The following CCDC102B variants were observed in gnomAD, a reference collection of about 807,000 sequenced individuals.
The protein encoded by CCDC102B is coiled-coil domain containing 102B.
Under a neutral mutation model 57.4 loss-of-function variants are expected in CCDC102B, and 75 were observed. That is an observed-to-expected ratio of 1.31 (90% CI 1.08 to 1.58). The LOEUF (loss-of-function observed/expected upper bound fraction) is 1.58. Among genes scored for constraint, CCDC102B ranks in the 40% most tolerant of loss-of-function variants. The pLI is 0.00. For synonymous variants in CCDC102B, 206 were observed against 201.9 expected, an observed-to-expected ratio of 1.02 and a Z score of -0.17; for missense variants, 636 against 582.6, an observed-to-expected ratio of 1.09 and a Z score of -0.94.
At chr18:69,044,653 C>T (rs555509647) in intron 7 of CCDC102B, among the ~76,000 whole-genome samples, 1 of 152,108 alleles carries the variant, frequency 6.6e-6, no homozygotes, top group East Asian at 1.9e-4. Context: ...GATAGTTTAA[C>T]ATTATTATTT....
chr18:69,023,424 G>C (rs903404691), intron 7 of CCDC102B, among the ~76,000 whole-genome samples: 1 of 152,016 alleles, frequency 6.6e-6, no homozygotes, highest in African/African-American at 2.4e-5. Flanking sequence ...TTAATATACA[G>C]TGTTTAGTAA....
In CCDC102B at chr18:69,006,585, C is replaced by CT. The variant is rs200615759; in HGVS notation, c.1264-4321dup. On this transcript the variant is annotated intron_variant, in intron 6 of 7. Coordinates refer to ENST00000360242, the MANE Select transcript of CCDC102B (RefSeq NM_024781.3). The stretch of plus-strand genomic sequence containing the variant: ...TACAGGCACATGCCACCACACAGGG[C>CT]TTTTTTTTTTTTTTTTTTTTTTTTT... Among the ~76,000 whole-genome samples the CT allele has an allele frequency of 2.8e-4, 38 of 134,248 alleles. 1 individual carries two copies. The highest frequency in any genetic ancestry group is 8.1e-4 in the African/African-American group (26 of 32,062). The allele number at this position is 134,248 out of a possible 152,430, so 88.1% of individuals were successfully genotyped here.
At chr18:68,818,046 G>C (rs991981404) in intron 1 of CCDC102B, among the ~76,000 whole-genome samples, 1 of 152,042 alleles carries the variant, frequency 6.6e-6, no homozygotes, top group Non-Finnish European at 1.5e-5. Context: ...TGTATTTTAA[G>C]TCCATTCAAA....
intron 7 of CCDC102B, among the ~76,000 whole-genome samples, chr18:69,040,431 T>A (rs1030215514): frequency 3.8e-4 from 51 of 135,694 alleles, no homozygotes; most frequent in African/African-American, 1.4e-3. Context: ...TGTGTGTGTG[T>A]GTGAGATGGC....
At chr18:68,888,822 A>C (rs1047976593) in intron 5 of CCDC102B, among the ~76,000 whole-genome samples, 1 of 152,170 alleles carries the variant, frequency 6.6e-6, no homozygotes, top group Non-Finnish European at 1.5e-5. Context: ...CTCCAATATA[A>C]TACTCACTTT....
intron 6 of CCDC102B, among the ~76,000 whole-genome samples, chr18:68,919,706 A>C (rs4398184): frequency 0.17 from 25,721 of 152,082 alleles, 2,706 homozygotes; most frequent in South Asian, 0.31. Context: ...TGACAATTTT[A>C]TTACTACTTC....
At chr18:68,876,370 T>C (rs73462042) in intron 5 of CCDC102B, among the ~76,000 whole-genome samples, 4,480 of 152,204 alleles carry the variant, frequency 0.029, 101 homozygotes, top group East Asian at 0.047. Context: ...GTTTGGGAGC[T>C]GTACAGCAAA....
intron 5 of CCDC102B, among the ~76,000 whole-genome samples, chr18:68,879,208 A>G (rs1346722953): frequency 2.7e-5 from 4 of 150,594 alleles, no homozygotes; most frequent in African/African-American, 9.8e-5. Context: ...GGAGTTGTTC[A>G]TTCCTCCCGG....
At chr18:68,918,359 C>T (rs1192564185) in intron 6 of CCDC102B, among the ~76,000 whole-genome samples, 2 of 152,062 alleles carry the variant, frequency 1.3e-5, no homozygotes, top group Non-Finnish European at 1.5e-5. Flanking sequence ...CAATTAACTC[C>T]GTCCCCAAAT....
intron 6 of CCDC102B, among the ~76,000 whole-genome samples, chr18:68,997,891 C>A (rs1417392240): frequency 6.6e-6 from 1 of 151,850 alleles, no homozygotes; most frequent in Non-Finnish European, 1.5e-5. Flanking sequence ...GTAGTTTAAG[C>A]TCTTTGAATG....
At chr18:69,013,164 T>C (rs982778158) in intron 7 of CCDC102B, among the ~76,000 whole-genome samples, 1 of 152,104 alleles carries the variant, frequency 6.6e-6, no homozygotes, top group Non-Finnish European at 1.5e-5. Flanking sequence ...AAAAATATGA[T>C]CTATTCGCAC....
At chr18:68,856,790 A>T (rs1201867431) in intron 4 of CCDC102B, among the ~76,000 whole-genome samples, 1 of 151,808 alleles carries the variant, frequency 6.6e-6, no homozygotes, top group African/African-American at 2.4e-5. Context: ...TCCTAAAATC[A>T]CAATAATGAT....
chr18:68,872,419 C>A (rs2039274868), intron 4 of CCDC102B, among the ~76,000 whole-genome samples: 1 of 151,938 alleles, frequency 6.6e-6, no homozygotes, highest in Non-Finnish European at 1.5e-5. Context: ...AAATTTTTTT[C>A]TTTATGTATT....
chr18:68,933,654 G>A (rs1325533230), intron 6 of CCDC102B, among the ~76,000 whole-genome samples: 2 of 151,860 alleles, frequency 1.3e-5, no homozygotes, highest in Non-Finnish European at 2.9e-5. Context: ...TACAGTGTCA[G>A]CTTAAATATT....
chr18:68,958,050 G>C (rs765566185), intron 6 of CCDC102B, among the ~76,000 whole-genome samples: 1 of 152,102 alleles, frequency 6.6e-6, no homozygotes, highest in Non-Finnish European at 1.5e-5. Context: ...AAGGTGAAAG[G>C]CATGTCTCAC....
At chr18:68,749,353 A>C (rs1164641339) in intron 2 of CCDC102B, among the ~76,000 whole-genome samples, 1 of 152,028 alleles carries the variant, frequency 6.6e-6, no homozygotes, top group Non-Finnish European at 1.5e-5. Context: ...TTGAATCTAT[A>C]AATTACCTTG....
chr18:68,737,390 A>G (rs1209689961), intron 2 of CCDC102B, among the ~76,000 whole-genome samples: 1 of 151,842 alleles, frequency 6.6e-6, no homozygotes. Flanking sequence ...ACTCTCTCAT[A>G]CCCAAGATCT....
At chr18:68,834,185 G>T (rs2037264682) in intron 1 of CCDC102B, among the ~76,000 whole-genome samples, 1 of 151,912 alleles carries the variant, frequency 6.6e-6, no homozygotes, top group Non-Finnish European at 1.5e-5. Context: ...CAGTTAATTG[G>T]TAGGCAAGAT....
intron 2 of CCDC102B, among the ~76,000 whole-genome samples, chr18:68,720,427 A>G (rs531037927): frequency 6.6e-6 from 1 of 152,364 alleles, no homozygotes; most frequent in African/African-American, 2.4e-5. Context: ...ATTTTGCAGC[A>G]GTAATATACA....
Sources: gnomAD v4.1 joint callset for allele counts (sites outside exome capture counted in the v4.1 genomes callset) on GRCh38, gnomAD v4.1.1 for gene constraint, MANE v1.5 for transcripts, NCBI Gene and HGNC (gene_info 2026-07-23, HGNC 2026-07-21) for gene names.